CAND2: variants seen among roughly 807,000 people sequenced by gnomAD.
The protein encoded by CAND2 is cullin-associated NEDD8-dissociated protein 2.
A neutral mutation model predicts 98.9 loss-of-function variants in CAND2; 62 were observed. The ratio of observed to expected loss-of-function variants is 0.63; its 90% CI spans 0.51 to 0.77. CAND2 has a LOEUF of 0.77. CAND2 is among the 30% of genes least tolerant of loss of function. CAND2 has a pLI of 0.00. For missense variants in CAND2, 1,501 were observed against 1,655.2 expected (o/e 0.91, Z 1.62); for synonymous variants, 770 against 731.9 (o/e 1.05, Z -0.84).
chr3:12,809,797 C>T, intron 4 of CAND2: 1 of 422,652 alleles, frequency 2.4e-6, no homozygotes, highest in East Asian at 3.9e-5. Flanking sequence ...ATCCTCTATG[C>T]TTTCCCCTAT....
At chr3:12,825,200 C>A (rs1158911071) in intron 11 of CAND2, among the ~76,000 whole-genome samples, 1 of 151,920 alleles carries the variant, frequency 6.6e-6, no homozygotes, top group African/African-American at 2.4e-5. Context: ...GTTACGACTC[C>A]CATTTTACAG....
At chr3:12,803,700 G>T (rs1417200683) in intron 2 of CAND2, 69 bp downstream of exon 2, 9 of 1,446,012 alleles carry the variant, frequency 6.2e-6, no homozygotes, top group Non-Finnish European at 8.4e-6. Flanking sequence ...GGGGACCGCT[G>T]TCCCTTTGGG....
At chr3:12,828,920 C>A (rs1029550316) in intron 13 of CAND2, among the ~76,000 whole-genome samples, 6 of 152,180 alleles carry the variant, frequency 3.9e-5, no homozygotes, top group Non-Finnish European at 7.3e-5. Context: ...GTTGTATGTA[C>A]AGACCACCAG....
At chr3:12,806,370 C>G (rs535763589) in intron 2 of CAND2, among the ~76,000 whole-genome samples, 1 of 152,134 alleles carries the variant, frequency 6.6e-6, no homozygotes, top group African/African-American at 2.4e-5. Flanking sequence ...CTTGTTGAAA[C>G]CCTGTATTCC....
At position 12,801,596 on chromosome 3, in the gene CAND2, G is replaced by A. The variant is rs144529089; in HGVS notation, c.69-1892G>A. ...TTTCAAATGCCTGGGACAGCATCAG[G>A]CTTTTGGTGTCAGGCCCCATGAATC... is the stretch of plus-strand genomic sequence containing the variant. On this transcript the variant is annotated intron_variant, in intron 1 of 14. Coordinates refer to ENST00000456430, the MANE Select transcript of CAND2 (RefSeq NM_001162499.2). Among the ~76,000 whole-genome samples, 81 of 152,288 alleles carry A rather than the reference G, an allele frequency of 5.3e-4. 1 individual carries two copies. The highest frequency in any genetic ancestry group is 1.9e-3 in the African/African-American group (79 of 41,566).
intron 14 of CAND2, among the ~76,000 whole-genome samples, chr3:12,831,818 A>T (rs182719385): frequency 2.6e-5 from 4 of 152,340 alleles, no homozygotes; most frequent in Non-Finnish European, 5.9e-5. Context: ...CTGGATTCAG[A>T]CCCACCTCTG....
rs746327955 is a variant in CAND2, at chr3:12,831,468, C to G, written c.3379C>G (p.Leu1127Val). 1.8e-4 allele frequency: 286 copies of G among 1,613,532 alleles called. No homozygotes were observed. The highest frequency in any genetic ancestry group is 3.2e-4 in the Admixed American group (19 of 59,998). Residue 1127 changes from leucine (L) to valine (V), a missense_variant, in exon 14 of 15, where the codon CTG (leucine) becomes GTG (valine). Physicochemically the swap from Leu to Val is conservative, Grantham distance 32 (BLOSUM62 1). Around this residue, in one of 3 missense-constraint regions of CAND2, gnomAD observed 1,427 missense variants for 1,545.3 expected, o/e 0.92. Transcript: ENST00000456430. ...GLKDHYDIRM[L>V]TFIMVARLAT... ...ACCATCTCCTTCCTCTGGGCAGATG[C>G]TGACCTTCATCATGGTTGCCCGGCT...
rs1262825347 is a variant in CAND2 at position 12,816,810 on chromosome 3, C to T, written c.1878C>T (p.Thr626=). 6.2e-7 allele frequency: 1 copy of T among 1,613,660 alleles called. No homozygotes were observed. Among genetic ancestry groups the T allele is most frequent in the Admixed American group, 1.7e-5 (1 of 60,024 alleles). ...TGGACCGCCTGCGGAATGAGATCAC[C>T]CGGCTGCCCGCCATCAAGGCGCTTA... ...LLLDRLRNEI[T]RLPAIKALTL... is the part of the protein sequence containing the mutation. The change falls in exon 10 of 15, where the codon ACC becomes ACT. Residue 626 remains threonine, a synonymous_variant. Coordinates refer to ENST00000456430, the MANE Select transcript of CAND2 (RefSeq NM_001162499.2).
chr3:12,817,686 CAG>C lies in CAND2; in HGVS notation c.2755_2756del (p.Arg919GlyfsTer9). 6.2e-7 allele frequency: 1 copy of C among 1,604,272 alleles called. No homozygotes were observed. The highest frequency in any genetic ancestry group is 2.2e-5 in the East Asian group (1 of 44,788). On this transcript the variant is annotated frameshift_variant, in exon 10 of 15. Transcript: ENST00000456430. LOFTEE classifies it high-confidence loss of function. ...RRQYLLLHSL[R>X]EALGAAQPDS... ...GACAGTACCTGCTGCTGCACTCACT[CAG>C]GGAGGCCCTGGGGGCCGCCCAGCCT...
intron 10 of CAND2, among the ~76,000 whole-genome samples, chr3:12,818,545 C>A (rs2061928745): frequency 1.3e-5 from 2 of 152,208 alleles, no homozygotes; most frequent in South Asian, 4.1e-4. Context: ...GGTGTCTTAG[C>A]TTCAGGAGGT....
At chr3:12,822,155 T>C (rs949451129) in intron 11 of CAND2, among the ~76,000 whole-genome samples, 6 of 152,158 alleles carry the variant, frequency 3.9e-5, no homozygotes, top group African/African-American at 1.4e-4. Context: ...TCTCTCCCAC[T>C]TATTTATTCA....
Position 12,834,297 on chromosome 3 carries a change from G to C in CAND2, c.*315G>C. 8.8e-6 allele frequency: 3 copies of C among 339,410 alleles called. No individual in the cohort carries two copies. In the South Asian group the frequency reaches 1.4e-4, roughly 16 times the overall value. 21.0% of individuals were successfully genotyped at this position (339,410 alleles called of 1,614,324 possible). A position where few individuals can be genotyped will look rare whatever the true frequency, so the allele number is the denominator to read the frequency against. On this transcript the variant is annotated 3_prime_UTR_variant, in exon 15 of 15. Transcript: ENST00000456430. ...AGTCTGTCTGGTTCCTTCAGAGGGTGTCTCTGCCTCACAAACTAGTAGTAT... is the reference window on the plus strand; with the variant it reads ...AGTCTGTCTGGTTCCTTCAGAGGGTCTCTCTGCCTCACAAACTAGTAGTAT...
In CAND2 at chr3:12,810,319, G is replaced by A; in HGVS notation, c.752G>A (p.Arg251His). The change falls in exon 5 of 15, where the codon CGC (arginine) becomes CAC (histidine). Residue 251 changes from arginine (R) to histidine (H), a missense_variant. By Grantham distance (29) the Arg-to-His change is conservative. Around this residue, in one of 3 missense-constraint regions of CAND2, gnomAD observed 1,427 missense variants for 1,545.3 expected, o/e 0.92. Coordinates refer to ENST00000456430, the MANE Select transcript of CAND2 (RefSeq NM_001162499.2). ...AGCGTCGGCCGCCAGGCCGGCCACC[G>A]CCTCGGTAAGGGGGCAGGGGGCGGG... Reference protein sequence around the residue: ...LGSVGRQAGHRLGAHLDRLVP... With the variant: ...LGSVGRQAGHHLGAHLDRLVP... 1 of 1,456,638 alleles carries A rather than the reference G, an allele frequency of 6.9e-7. No individual in the cohort carries two copies. The highest frequency in any genetic ancestry group is 2.7e-5 in the East Asian group (1 of 36,794). 90.2% of individuals were successfully genotyped at this position (1,456,638 alleles called of 1,614,324 possible).
rs1231274070 is a variant in CAND2 at position 12,810,305 on chromosome 3, C to G, written c.738C>G (p.Arg246=). ...TLIQCLGSVG[R]QAGHRLGAHL... is the part of the protein sequence containing the mutation. Reference sequence around the variant, plus strand: ...TCCAATGTTTGGGCAGCGTCGGCCGCCAGGCCGGCCACCGCCTCGGTAAGG... The same window carrying G: ...TCCAATGTTTGGGCAGCGTCGGCCGGCAGGCCGGCCACCGCCTCGGTAAGG... Residue 246 remains arginine, a synonymous_variant, in exon 5 of 15, where the codon CGC becomes CGG. Coordinates refer to ENST00000456430, the MANE Select transcript of CAND2 (RefSeq NM_001162499.2). 1.4e-5 allele frequency: 20 copies of G among 1,459,764 alleles called. No individual in the cohort carries two copies. The highest frequency in any genetic ancestry group is 5.9e-5 in the African/African-American group (4 of 68,094). 90.4% of individuals were successfully genotyped at this position (1,459,764 alleles called of 1,614,324 possible).
chr3:12,825,678 T>G (rs760386397), intron 12 of CAND2, 39 bp downstream of exon 12: 11 of 1,483,764 alleles, frequency 7.4e-6, no homozygotes, highest in South Asian at 1.2e-5. Context: ...AAGCTGGGGG[T>G]GATGCCACCT....
chr3:12,833,611 A>T, intron 14 of CAND2, 144 bp from the exon 15 acceptor site: 1 of 667,476 alleles, frequency 1.5e-6, no homozygotes, highest in Non-Finnish European at 2.6e-6. Flanking sequence ...ATAGCTGGTG[A>T]GACAGAAGCC....
intron 12 of CAND2, among the ~76,000 whole-genome samples, chr3:12,826,107 A>G (rs2061997059): frequency 6.6e-6 from 1 of 152,164 alleles, no homozygotes; most frequent in Non-Finnish European, 1.5e-5. Context: ...CCGCCTTACA[A>G]TGGTTCAACT....
rs796513027 is a variant in CAND2 at position 12,813,484 on chromosome 3, C to T, written c.1006+96C>T. On this transcript the variant is annotated intron_variant, in intron 7 of 14. Coordinates refer to ENST00000456430, the MANE Select transcript of CAND2 (RefSeq NM_001162499.2). ...AAGACAGCGGTCACATTTGGTGCCC[C>T]TGTCCTGATGCCAGCTCTTTCTCAA... 2.0e-5 allele frequency: 26 copies of T among 1,283,792 alleles called. No homozygotes were observed. In the African/African-American group the frequency reaches 3.5e-4, roughly 17 times the overall value. 79.5% of individuals were successfully genotyped at this position (1,283,792 alleles called of 1,614,324 possible). A position where few individuals can be genotyped will look rare whatever the true frequency, so the allele number is the denominator to read the frequency against.
intron 5 of CAND2, among the ~76,000 whole-genome samples, chr3:12,811,118 G>A (rs867360500): frequency 2.0e-5 from 3 of 146,914 alleles, no homozygotes; most frequent in Non-Finnish European, 3.0e-5. Flanking sequence ...GGCACACGGC[G>A]GGGGGTGGGG....
Sources: gnomAD v4.1 joint callset for allele counts (sites outside exome capture counted in the v4.1 genomes callset) on GRCh38, gnomAD v4.1.1 for gene constraint, gnomAD v4.1.1 regional missense constraint, MANE v1.5 for transcripts, NCBI Gene and HGNC (gene_info 2026-07-23, HGNC 2026-07-21) for gene names.